Variants in TFCP2L1 observed in about 807,000 individuals in gnomAD.
TFCP2L1 encodes the protein transcription factor CP2-like protein 1.
In TFCP2L1, 12 loss-of-function variants were observed where a neutral mutation model predicts 72.2. The ratio of observed to expected loss-of-function variants is 0.17; its 90% CI spans 0.11 to 0.27. TFCP2L1 has a LOEUF of 0.27. TFCP2L1 is among the 10% of genes least tolerant of loss of function. TFCP2L1 has a pLI of 1.00. For synonymous variants in TFCP2L1, 260 were observed against 251.0 expected, an observed-to-expected ratio of 1.04 and a Z score of -0.34; for missense variants, 488 against 624.6, an observed-to-expected ratio of 0.78 and a Z score of 2.33.
chr2:121,249,628 T>G lies in TFCP2L1; in HGVS notation c.234A>C (p.Arg78=). ...CTCCCAGCTTCCGATTCTCCAGTAG[T>G]CGGATTTCATAAGACTGACCTGGAT... is the stretch of plus-strand genomic sequence containing the variant. ...YLNQGQSYEI[R]LLENRKLGDF... Residue 78 remains arginine (R), a synonymous_variant, in exon 3 of 15, where the codon CGA becomes CGC. Transcript: ENST00000263707. 6.2e-7 allele frequency: 1 copy of G among 1,614,256 alleles called. No homozygotes were observed. The highest frequency in any genetic ancestry group is 8.5e-7 in the Non-Finnish European group (1 of 1,180,046).
chr2:121,271,296 A>G (rs1442007756), intron 2 of TFCP2L1, among the ~76,000 whole-genome samples: 2 of 152,180 alleles, frequency 1.3e-5, no homozygotes, highest in East Asian at 3.8e-4. Flanking sequence ...GCGAACATAT[A>G]TAAGGTTATA....
chr2:121,280,383 T>C (rs970965846), intron 2 of TFCP2L1, among the ~76,000 whole-genome samples: 2 of 152,196 alleles, frequency 1.3e-5, no homozygotes, highest in African/African-American at 2.4e-5. Context: ...ATCCCATCAC[T>C]GCCAGGTGCA....
rs190710206 is a variant in TFCP2L1, at chr2:121,255,400, G to A, written c.215-5753C>T. Among the ~76,000 whole-genome samples, 797 of 152,294 alleles carry A rather than the reference G, an allele frequency of 5.2e-3. 14 individuals carry two copies. The highest frequency in any genetic ancestry group is 0.027 in the Admixed American group (407 of 15,300). ...AGGGGGTGAGAGGGAGCTGGTCTTA[G>A]AATCAAGGAAATAGGCTAAAAATAA... On this transcript the variant is annotated intron_variant, in intron 2 of 14. Coordinates refer to ENST00000263707, the MANE Select transcript of TFCP2L1 (RefSeq NM_014553.3).
intron 14 of TFCP2L1, among the ~76,000 whole-genome samples, chr2:121,225,273 C>A (rs549162609): frequency 1.4e-3 from 207 of 152,260 alleles, no homozygotes; most frequent in African/African-American, 4.9e-3. Context: ...TGGCTGTATT[C>A]CAGGCTTGAT....
intron 2 of TFCP2L1, among the ~76,000 whole-genome samples, chr2:121,275,568 CTTTTTT>C (rs931104631): frequency 8.2e-6 from 1 of 121,742 alleles, no homozygotes; most frequent in Non-Finnish European, 1.7e-5. Context: ...AGAAGTAAGT[CTTTTTT>C]TTTTTTTTTT....
intron 6 of TFCP2L1, among the ~76,000 whole-genome samples, chr2:121,246,067 C>T (rs1558734654): frequency 1.3e-5 from 2 of 152,216 alleles, no homozygotes; most frequent in South Asian, 4.1e-4. Flanking sequence ...TCTGCAAACA[C>T]CTGCTAGAGC....
In TFCP2L1 at chr2:121,227,720, T is replaced by TACACACACACACACAC. The variant is rs144192362; in HGVS notation, c.1342-2123_1342-2108dup. 9.2e-3 allele frequency among the ~76,000 whole-genome samples: 1,349 copies of TACACACACACACACAC among 147,386 alleles called. 7 individuals carry two copies. The highest frequency in any genetic ancestry group is 0.014 in the Non-Finnish European group (916 of 66,792). ...TAAAATAAAATATATAAACATACAA[T>TACACACACACACACAC]ACACACACACACACACACACACACA... On this transcript the variant is annotated intron_variant, in intron 13 of 14. Transcript: ENST00000263707.
intron 13 of TFCP2L1, among the ~76,000 whole-genome samples, chr2:121,229,882 G>A (rs1016712878): frequency 6.6e-6 from 1 of 152,180 alleles, no homozygotes; most frequent in African/African-American, 2.4e-5. Flanking sequence ...ACTTCTCCCA[G>A]CCACTGTTTC....
At chr2:121,258,721 C>G (rs1295103771) in intron 2 of TFCP2L1, among the ~76,000 whole-genome samples, 1 of 152,196 alleles carries the variant, frequency 6.6e-6, no homozygotes, top group African/African-American at 2.4e-5. Flanking sequence ...TGTCCAGATT[C>G]AAGCGGGGTC....
chr2:121,278,056 G>A (rs1687181298), intron 2 of TFCP2L1, among the ~76,000 whole-genome samples: 1 of 138,180 alleles, frequency 7.2e-6, no homozygotes, highest in Admixed American at 7.6e-5. Flanking sequence ...TTGAGACGGA[G>A]TCTCGCTCTG....
At chr2:121,257,294 C>T (rs1198554677) in intron 2 of TFCP2L1, among the ~76,000 whole-genome samples, 1 of 151,904 alleles carries the variant, frequency 6.6e-6, no homozygotes, top group Non-Finnish European at 1.5e-5. Flanking sequence ...CAGCTATAGC[C>T]CGAGGGTATC....
chr2:121,260,552 C>T (rs1460286587), intron 2 of TFCP2L1, among the ~76,000 whole-genome samples: 2 of 152,234 alleles, frequency 1.3e-5, no homozygotes, highest in Non-Finnish European at 2.9e-5. Context: ...AAACTGTCCT[C>T]CAGCCCTCAC....
chr2:121,246,355 T>C (rs1686479921), intron 6 of TFCP2L1, among the ~76,000 whole-genome samples: 1 of 152,114 alleles, frequency 6.6e-6, no homozygotes, highest in Admixed American at 6.6e-5. Flanking sequence ...AGGAAGCCAT[T>C]GCAAAGAGAA....
Position 121,237,621 on chromosome 2 carries a change from A to G in TFCP2L1, c.1003+2T>C. ...CTTTAAACACAGTTCGGAGATGCTCACCTGAGAAGCTGGCAAAGAGCCGGC... is the reference window on the plus strand; with the variant it reads ...CTTTAAACACAGTTCGGAGATGCTCGCCTGAGAAGCTGGCAAAGAGCCGGC... On this transcript the variant is annotated splice_donor_variant, in intron 10 of 14. Transcript: ENST00000263707. LOFTEE classifies it high-confidence loss of function. 6.2e-7 allele frequency: 1 copy of G among 1,614,136 alleles called. No homozygotes were observed. Among genetic ancestry groups the G allele is most frequent in the Non-Finnish European group, 8.5e-7 (1 of 1,180,036 alleles).
chr2:121,249,099 G>A lies in TFCP2L1; in HGVS notation c.292-12C>T. On this transcript the variant is annotated splice_polypyrimidine_tract_variant and intron_variant, in intron 3 of 14. Transcript: ENST00000263707. ...ACACGGATGATGCTCTGGGGAGGGA[G>A]GCCAGCAGGGAAACAAGTGACCGCG... The A allele has an allele frequency of 6.5e-7, 1 of 1,543,530 alleles. No homozygotes were observed. The highest frequency in any genetic ancestry group is 8.8e-7 in the Non-Finnish European group (1 of 1,142,016).
intron 13 of TFCP2L1, among the ~76,000 whole-genome samples, chr2:121,227,720 T>TACACACACACACACACACAC (rs144192362): frequency 3.0e-4 from 44 of 147,310 alleles, no homozygotes; most frequent in South Asian, 8.8e-4. Context: ...AAACATACAA[T>TACACACACACACACACACAC]ACACACACAC....
chr2:121,241,765 G>A (rs372776229), intron 7 of TFCP2L1, among the ~76,000 whole-genome samples: 11 of 152,172 alleles, frequency 7.2e-5, no homozygotes, highest in East Asian at 5.8e-4. Flanking sequence ...AAACAACCCC[G>A]CATCCACCAA....
rs1251588298 is a variant in TFCP2L1 at position 121,220,251 on chromosome 2, G to A, written c.*4090C>T. The A allele has an allele frequency of 1.3e-5, 2 of 152,092 alleles. No homozygotes were observed. Among genetic ancestry groups the A allele is most frequent in the Non-Finnish European group, 2.9e-5 (2 of 68,064 alleles). The allele number at this position is 152,092 out of a possible 1,614,324, so 9.4% of individuals were successfully genotyped here. ...TAATAGCTCTGTGTAAGGGGCTCTG[G>A]GCTGTCTGGGCAAGAGGTCACTAGG... On this transcript the variant is annotated 3_prime_UTR_variant, in exon 15 of 15. Coordinates refer to ENST00000263707, the MANE Select transcript of TFCP2L1 (RefSeq NM_014553.3).
intron 13 of TFCP2L1, among the ~76,000 whole-genome samples, chr2:121,230,692 G>C (rs1211502596): frequency 6.6e-6 from 1 of 152,130 alleles, no homozygotes; most frequent in Non-Finnish European, 1.5e-5. Flanking sequence ...AGGATGGCCT[G>C]AGCCTGGGAG....
Sources: allele counts gnomAD v4.1 joint callset (sites outside exome capture counted in the v4.1 genomes callset), GRCh38; gene constraint gnomAD v4.1.1; transcripts MANE v1.5; gene names NCBI Gene and HGNC (gene_info 2026-07-23, HGNC 2026-07-21).